Variants in UTP15 observed in about 807,000 individuals in gnomAD.
The protein encoded by UTP15 is U3 small nucleolar RNA-associated protein 15 homolog.
In UTP15, 5 loss-of-function variants were observed where a neutral mutation model predicts 59.1. The observed-to-expected ratio is 0.08, with a 90% confidence interval of 0.04 to 0.18. UTP15 has a LOEUF of 0.18. Ranked by LOEUF, UTP15 falls within the 10% of genes least tolerant of loss-of-function variation. The pLI is 1.00. For synonymous variants in UTP15, 211 were observed against 212.2 expected (o/e 0.99, Z 0.05); for missense variants, 494 against 616.7 (o/e 0.80, Z 2.11).
At position 73,568,666 on chromosome 5, in the gene UTP15, T is replaced by C. The variant is rs1747851529; in HGVS notation, c.368+62T>C. 2.7e-6 allele frequency: 4 copies of C among 1,463,850 alleles called. No individual in the cohort carries two copies. The South Asian group carries it at 5.5e-5, about 20-fold the overall frequency. The allele number at this position is 1,463,850 out of a possible 1,614,324, so 90.7% of individuals were successfully genotyped here. A position where few individuals can be genotyped will look rare whatever the true frequency, so the allele number is the denominator to read the frequency against. On this transcript the variant is annotated intron_variant, in intron 4 of 12. Coordinates refer to ENST00000296792, the MANE Select transcript of UTP15 (RefSeq NM_032175.4). ...TTTTGTTGTAAGCTCTTTTTTTCTC[T>C]GGACTTTGGTTAAAAAGATAGAGAT...
intron 5 of UTP15, among the ~76,000 whole-genome samples, chr5:73,570,168 G>A (rs939632487): frequency 9.9e-5 from 15 of 152,174 alleles, no homozygotes; most frequent in Admixed American, 4.6e-4. Context: ...TTCTTCTTTT[G>A]TTGATTGTTC....
chr5:73,567,283 A>G lies in UTP15; in HGVS notation c.-62A>G. 1 of 1,130,818 alleles carries G rather than the reference A, an allele frequency of 8.8e-7. No homozygotes were observed. The highest frequency in any genetic ancestry group is 1.6e-5 in the South Asian group (1 of 64,082). The allele number at this position is 1,130,818 out of a possible 1,614,324, so 70.0% of individuals were successfully genotyped here. On this transcript the variant is annotated 5_prime_UTR_variant, in exon 2 of 13. Transcript: ENST00000296792. ...TCAGAATTAAGGCAGAGTCACTGTAATTATTTCTAATACCAATTCCAAAAT... is the reference window on the plus strand; with the variant it reads ...TCAGAATTAAGGCAGAGTCACTGTAGTTATTTCTAATACCAATTCCAAAAT...
chr5:73,567,576 A>G, intron 2 of UTP15, 142 bp downstream of exon 2: 1 of 555,368 alleles, frequency 1.8e-6, no homozygotes, highest in Non-Finnish European at 3.1e-6. Context: ...AGATAATTTG[A>G]TATCTATTTT....
At chr5:73,567,574 T>G (rs56898114) in intron 2 of UTP15, 140 bp downstream of exon 2, 11,753 of 559,924 alleles carry the variant, frequency 0.021, 1,127 homozygotes, top group African/African-American at 0.2. Context: ...GCAGATAATT[T>G]GATATCTATT....
chr5:73,569,777 A>T, intron 5 of UTP15, 102 bp downstream of exon 5: 1 of 919,952 alleles, frequency 1.1e-6, no homozygotes, highest in Non-Finnish European at 1.6e-6. Context: ...AATTTTTTTT[A>T]TAAAGGAATA....
chr5:73,572,103 C>T (rs1050996006), intron 6 of UTP15, among the ~76,000 whole-genome samples: 11 of 152,286 alleles, frequency 7.2e-5, no homozygotes, highest in African/African-American at 2.6e-4. Context: ...ATCCCTTTTT[C>T]TGTCTTTCCA....
chr5:73,576,891 A>G lies in UTP15; in HGVS notation c.810-61A>G, dbSNP rs1461227412. The G allele has an allele frequency of 3.4e-6, 4 of 1,191,008 alleles. No homozygotes were observed. In the African/African-American group the frequency reaches 4.6e-5, roughly 14 times the overall value. 73.8% of individuals were successfully genotyped at this position (1,191,008 alleles called of 1,614,324 possible). A position where few individuals can be genotyped will look rare whatever the true frequency, so the allele number is the denominator to read the frequency against. On this transcript the variant is annotated intron_variant, in intron 7 of 12. Coordinates refer to ENST00000296792, the MANE Select transcript of UTP15 (RefSeq NM_032175.4). ...TTTGTATTTTGTTTTCAGAAAATAG[A>G]AATTTGCATTTTATACTCGTTTTCA...
At chr5:73,571,125 A>G (rs1470940484) in intron 6 of UTP15, among the ~76,000 whole-genome samples, 1 of 151,866 alleles carries the variant, frequency 6.6e-6, no homozygotes, top group African/African-American at 2.4e-5. Flanking sequence ...GCCCTGTGCC[A>G]TCTTATTTAA....
In UTP15 at chr5:73,569,530, A is replaced by G; in HGVS notation, c.402A>G (p.Lys134=). The G allele has an allele frequency of 4.3e-6, 7 of 1,611,650 alleles. No homozygotes were observed. Among genetic ancestry groups the G allele is most frequent in the Non-Finnish European group, 5.9e-6 (7 of 1,178,948 alleles). ...ATACAGTAGATTTTACAGCTGACAAATATCACGTGGTCTCTGGGGCTGATG... is the reference window on the plus strand; with the variant it reads ...ATACAGTAGATTTTACAGCTGACAAGTATCACGTGGTCTCTGGGGCTGATG... ...AVHTVDFTAD[K]YHVVSGADDY... Residue 134 remains lysine (K), a synonymous_variant, in exon 5 of 13, where the codon AAA becomes AAG. Transcript: ENST00000296792.
In UTP15 at chr5:73,572,549, A is replaced by G. The variant is rs1038770136; in HGVS notation, c.734A>G (p.Lys245Arg). 3 of 1,614,212 alleles carry G rather than the reference A, an allele frequency of 1.9e-6. No homozygotes were observed. Among genetic ancestry groups the G allele is most frequent in the Non-Finnish European group, 2.5e-6 (3 of 1,180,044 alleles). The change falls in exon 7 of 13, where the codon AAA (lysine) becomes AGA (arginine). Residue 245 changes from lysine to arginine, a missense_variant. By Grantham distance (26) the Lys-to-Arg change is conservative. Transcript: ENST00000296792. ...GGAGGACAATTGCTAGTATCTTTGA[A>G]AAATCATCACAAAACCGTGACATGT... is the stretch of plus-strand genomic sequence containing the variant. Reference protein sequence around the residue: ...LKGGQLLVSLKNHHKTVTCLC... With the variant: ...LKGGQLLVSLRNHHKTVTCLC...
rs545659385 is a variant in UTP15, at chr5:73,574,010, CAT to C, written c.809+1387_809+1388del. The stretch of plus-strand genomic sequence containing the variant: ...ACTAGAAATAAATTAAGCATCTAAA[CAT>C]GTGCACTATGATACAATAATCATAT... On this transcript the variant is annotated intron_variant, in intron 7 of 12. Coordinates refer to ENST00000296792, the MANE Select transcript of UTP15 (RefSeq NM_032175.4). Among the ~76,000 whole-genome samples the C allele has an allele frequency of 1.2e-3, 176 of 152,100 alleles. 1 individual carries two copies. The highest frequency in any genetic ancestry group is 3.6e-3 in the African/African-American group (149 of 41,510).
At chr5:73,577,683 A>T (rs1163822881) in intron 8 of UTP15, among the ~76,000 whole-genome samples, 173 bp from the exon 9 acceptor site, 1 of 152,180 alleles carries the variant, frequency 6.6e-6, no homozygotes, top group African/African-American at 2.4e-5. Context: ...GGAAAAAATG[A>T]TTTCGCTTTA....
In UTP15 at chr5:73,580,761, T is replaced by C. The variant is rs1659695308; in HGVS notation, c.*667T>C. Reference sequence around the variant, plus strand: ...CAGATAGACCTTATTGGACTACTTTTTTTTTTTTCTTCATGCAGCCTTTCT... The same window carrying C: ...CAGATAGACCTTATTGGACTACTTTCTTTTTTTTCTTCATGCAGCCTTTCT... On this transcript the variant is annotated 3_prime_UTR_variant, in exon 13 of 13. Coordinates refer to ENST00000296792, the MANE Select transcript of UTP15 (RefSeq NM_032175.4). 2.0e-5 allele frequency: 3 copies of C among 152,318 alleles called. No homozygotes were observed. The South Asian group carries it at 6.2e-4, about 32-fold the overall frequency. The allele number at this position is 152,318 out of a possible 1,614,324, so 9.4% of individuals were successfully genotyped here. A position where few individuals can be genotyped will look rare whatever the true frequency, so the allele number is the denominator to read the frequency against.
chr5:73,577,861 A>G lies in UTP15; in HGVS notation c.900A>G (p.Glu300=), dbSNP rs1334365876. The G allele has an allele frequency of 8.2e-6, 13 of 1,581,158 alleles. No homozygotes were observed. The highest frequency in any genetic ancestry group is 1.1e-5 in the Non-Finnish European group (13 of 1,169,926). ...ATTTTTCTAATTGTTATTAGCATGA[A>G]GATGAGACAATAGTTGTAGGAATGA... ...ASILSLALAH[E]DETIVVGMTN... The change falls in exon 9 of 13, where the codon GAA becomes GAG. Residue 300 remains glutamate, a synonymous_variant. Transcript: ENST00000296792.
At chr5:73,566,874 G>A (rs530367807) in intron 1 of UTP15, among the ~76,000 whole-genome samples, 22 of 152,166 alleles carry the variant, frequency 1.4e-4, no homozygotes, top group Non-Finnish European at 2.6e-4. Flanking sequence ...AATTGTTATA[G>A]ATTAAATGTC....
Position 73,581,409 on chromosome 5 carries a change from T to C in UTP15, c.*1315T>C, listed in dbSNP as rs1748303871. The C allele has an allele frequency of 1.3e-5, 2 of 152,218 alleles. No individual in the cohort carries two copies. Among genetic ancestry groups the C allele is most frequent in the Non-Finnish European group, 2.9e-5 (2 of 68,036 alleles). 9.4% of individuals were successfully genotyped at this position (152,218 alleles called of 1,614,324 possible). On this transcript the variant is annotated 3_prime_UTR_variant, in exon 13 of 13. Transcript: ENST00000296792. The stretch of plus-strand genomic sequence containing the variant: ...TATTTTCTTGGCTTTTTGATGTATC[T>C]GTTCCTGATAGATAATCATTGGCTA...
chr5:73,579,841 A>G (rs1748244388), intron 12 of UTP15, 36 bp from the exon 13 acceptor site: 1 of 1,440,036 alleles, frequency 6.9e-7, no homozygotes, highest in Non-Finnish European at 9.4e-7. Context: ...ATGGAAAGAT[A>G]TTGCTAGTTA....
At chr5:73,577,147 C>T (rs1370654827) in intron 8 of UTP15, 111 bp downstream of exon 8, 4 of 803,018 alleles carry the variant, frequency 5.0e-6, no homozygotes. Flanking sequence ...CTTGCCACAT[C>T]AGATATTTGA....
At position 73,577,918 on chromosome 5, in the gene UTP15, A is replaced by G. The variant is rs980027525; in HGVS notation, c.957A>G (p.Lys319=). ...TNGILSVKHR[K]SEAKKESLPR... is the part of the protein sequence containing the mutation. ...GAATACTGAGTGTTAAACATCGGAA[A>G]TCTGAAGCAAAGAAGGAATCACTTC... The change falls in exon 9 of 13, where the codon AAA becomes AAG. Residue 319 remains lysine (K), a synonymous_variant. Transcript: ENST00000296792. 1 of 1,592,154 alleles carries G rather than the reference A, an allele frequency of 6.3e-7. No individual in the cohort carries two copies. The highest frequency in any genetic ancestry group is 8.5e-7 in the Non-Finnish European group (1 of 1,173,282).
Sources: allele counts gnomAD v4.1 joint callset (sites outside exome capture counted in the v4.1 genomes callset), GRCh38; gene constraint gnomAD v4.1.1; transcripts MANE v1.5; gene names NCBI Gene and HGNC (gene_info 2026-07-23, HGNC 2026-07-21).